C8orf34: variants seen among roughly 807,000 people sequenced by gnomAD.
C8orf34 encodes uncharacterized protein C8orf34.
In C8orf34, 65 loss-of-function variants were observed where a neutral mutation model predicts 68.3. The observed-to-expected ratio is 0.95, with a 90% confidence interval of 0.78 to 1.17. The LOEUF (loss-of-function observed/expected upper bound fraction) is 1.17, where lower values mean the gene tolerates loss of function less well. C8orf34 is among the 50% of genes most tolerant of loss of function. The pLI is 0.00. For synonymous variants in C8orf34, 244 were observed against 241.2 expected (o/e 1.01, Z -0.11); for missense variants, 664 against 655.4 (o/e 1.01, Z -0.14).
intron 2 of C8orf34, among the ~76,000 whole-genome samples, chr8:68,445,772 G>A (rs578073433): frequency 1.8e-3 from 272 of 152,064 alleles, no homozygotes; most frequent in African/African-American, 5.8e-3. Flanking sequence ...CGGAACCCCC[G>A]CCTGAAAAAC....
rs556170846 is a variant in C8orf34, at chr8:68,751,056, C to A, written c.1405-25343C>A. Among the ~76,000 whole-genome samples the A allele has an allele frequency of 2.3e-3, 343 of 152,172 alleles. 4 individuals are homozygous for A. The highest frequency in any genetic ancestry group is 7.6e-3 in the African/African-American group (314 of 41,522). ...CGTATTCTAGCTGGAAGGCACCGTG[C>A]ACAAAAGAATAGCAAAACAAAGCAT... On this transcript the variant is annotated intron_variant, in intron 10 of 13. Coordinates refer to ENST00000518698, the MANE Select transcript of C8orf34 (RefSeq NM_052958.4).
At chr8:68,515,264 GT>G (rs910138981) in intron 5 of C8orf34, among the ~76,000 whole-genome samples, 117 of 142,808 alleles carry the variant, frequency 8.2e-4, no homozygotes, top group African/African-American at 2.2e-3. Flanking sequence ...CACTTATTTA[GT>G]TTTTTTTTTT....
intron 1 of C8orf34, among the ~76,000 whole-genome samples, chr8:68,362,083 G>C (rs553941809): frequency 5.3e-5 from 8 of 152,274 alleles, no homozygotes; most frequent in African/African-American, 1.9e-4. Flanking sequence ...TGTGTAAAAT[G>C]AGCTCTTGAA....
At chr8:68,533,300 A>T (rs1586333359) in intron 7 of C8orf34, 151 bp downstream of exon 7, 1 of 1,379,102 alleles carries the variant, frequency 7.3e-7, no homozygotes, top group East Asian at 2.7e-5. Flanking sequence ...GACTCACATA[A>T]AGTTGCATGT....
At chr8:68,796,511 T>C (rs1237974977) in intron 12 of C8orf34, among the ~76,000 whole-genome samples, 4 of 152,144 alleles carry the variant, frequency 2.6e-5, no homozygotes, top group African/African-American at 4.8e-5. Flanking sequence ...AACAATTCTG[T>C]GGAAAAATAA....
At chr8:68,400,841 T>C (rs1192650161) in intron 1 of C8orf34, among the ~76,000 whole-genome samples, 3 of 152,220 alleles carry the variant, frequency 2.0e-5, no homozygotes, top group Non-Finnish European at 4.4e-5. Flanking sequence ...TAGGATTGCT[T>C]TGGCTATTTG....
At chr8:68,787,635 A>G (rs1383345055) in intron 12 of C8orf34, 99 bp downstream of exon 12, 22 of 753,226 alleles carry the variant, frequency 2.9e-5, no homozygotes, top group Non-Finnish European at 4.3e-5. Flanking sequence ...CTTCTGTAAA[A>G]AAAAAAAAAT....
intron 1 of C8orf34, among the ~76,000 whole-genome samples, chr8:68,377,882 G>A (rs1481009233): frequency 6.6e-6 from 1 of 152,052 alleles, no homozygotes. Context: ...GGATAAGCAG[G>A]CACCTTCTTC....
chr8:68,772,325 C>T (rs916484016), intron 10 of C8orf34, among the ~76,000 whole-genome samples: 4 of 152,292 alleles, frequency 2.6e-5, no homozygotes, highest in African/African-American at 7.2e-5. Context: ...ATAGAAAATA[C>T]TTATTGATTG....
At chr8:68,412,827 G>A (rs1410190788) in intron 1 of C8orf34, among the ~76,000 whole-genome samples, 2 of 151,926 alleles carry the variant, frequency 1.3e-5, no homozygotes, top group African/African-American at 4.8e-5. Context: ...CAACCCCAAC[G>A]ACTTTTCGAC....
At chr8:68,706,152 C>T (rs981006777) in intron 8 of C8orf34, among the ~76,000 whole-genome samples, 3 of 152,154 alleles carry the variant, frequency 2.0e-5, no homozygotes, top group African/African-American at 7.2e-5. Context: ...AGTCACCAAT[C>T]CTAGAATGAT....
intron 7 of C8orf34, among the ~76,000 whole-genome samples, chr8:68,605,513 G>A (rs1817829083): frequency 7.4e-6 from 1 of 135,266 alleles, no homozygotes; most frequent in Non-Finnish European, 1.5e-5. Context: ...CCATGAAACT[G>A]AGTATTTTTT....
At chr8:68,537,503 T>C (rs1158327464) in intron 7 of C8orf34, among the ~76,000 whole-genome samples, 2 of 151,896 alleles carry the variant, frequency 1.3e-5, no homozygotes, top group African/African-American at 4.8e-5. Flanking sequence ...CTTTGGCTAA[T>C]GCAGTTTGTA....
chr8:68,415,434 T>G (rs888261968), intron 1 of C8orf34, among the ~76,000 whole-genome samples: 2 of 151,914 alleles, frequency 1.3e-5, no homozygotes, highest in African/African-American at 4.8e-5. Context: ...GAGCTGAGAT[T>G]GTGCCATTGC....
At chr8:68,574,609 A>C (rs1816849954) in intron 7 of C8orf34, among the ~76,000 whole-genome samples, 1 of 152,098 alleles carries the variant, frequency 6.6e-6, no homozygotes, top group Non-Finnish European at 1.5e-5. Context: ...AATGGAAACC[A>C]GCATAATAGG....
At chr8:68,800,017 T>C (rs1291147353) in intron 12 of C8orf34, among the ~76,000 whole-genome samples, 3 of 152,072 alleles carry the variant, frequency 2.0e-5, no homozygotes. Context: ...TTAATACTGT[T>C]TGGGGAGACA....
chr8:68,522,440 A>T (rs1198660569), intron 6 of C8orf34, among the ~76,000 whole-genome samples: 1 of 152,194 alleles, frequency 6.6e-6, no homozygotes, highest in Non-Finnish European at 1.5e-5. Flanking sequence ...GAACCATTTA[A>T]GTTTAGAGTT....
chr8:68,446,244 G>T (rs1811116814), intron 2 of C8orf34, 85 bp from the exon 3 acceptor site: 7 of 1,118,574 alleles, frequency 6.3e-6, no homozygotes, highest in Non-Finnish European at 5.1e-6. Context: ...GTTTTGTCAA[G>T]TATATTTAAT....
At chr8:68,457,663 G>A (rs1029775462) in intron 3 of C8orf34, among the ~76,000 whole-genome samples, 1 of 152,126 alleles carries the variant, frequency 6.6e-6, no homozygotes, top group Admixed American at 6.5e-5. Context: ...ACAATAGGCT[G>A]CTTTGTAACA....
Sources: allele counts gnomAD v4.1 joint callset (sites outside exome capture counted in the v4.1 genomes callset), GRCh38; gene constraint gnomAD v4.1.1; transcripts MANE v1.5; gene names NCBI Gene and HGNC (gene_info 2026-07-23, HGNC 2026-07-21).